The following PGPEP1L variants were observed in gnomAD, a reference collection of about 807,000 sequenced individuals.
PGPEP1L encodes the protein pyroglutamyl-peptidase I like, also known as pyroglutamyl-peptidase 1-like protein.
A neutral mutation model predicts 6.0 loss-of-function variants in PGPEP1L; 7 were observed. The ratio of observed to expected loss-of-function variants is 1.17; its 90% CI spans 0.66 to 2.19. PGPEP1L has a LOEUF of 2.19. Ranked by LOEUF, PGPEP1L falls within the 30% of genes most tolerant of loss-of-function variation. The probability of loss-of-function intolerance (pLI) is 0.00; values close to 1 mark genes in which losing one functional copy is unlikely to be tolerated. For missense variants in PGPEP1L, 209 were observed against 192.5 expected, an observed-to-expected ratio of 1.09 and a Z score of -0.51; for synonymous variants, 103 against 83.9, an observed-to-expected ratio of 1.23 and a Z score of -1.24.
At chr15:98,983,191 TTTTC>T in intron 2 of PGPEP1L, among the ~76,000 whole-genome samples, 1 of 151,422 alleles carries the variant, frequency 6.6e-6, no homozygotes, top group Admixed American at 6.6e-5. Context: ...AGAGAAACAA[TTTTC>T]TTTCACTTGG....
chr15:99,007,011 C>A (rs1555473751), intron 1 of PGPEP1L, among the ~76,000 whole-genome samples: 4 of 152,114 alleles, frequency 2.6e-5, no homozygotes, highest in East Asian at 1.9e-4. Context: ...CTGAATTGTC[C>A]TCCTGATATA....
intron 2 of PGPEP1L, among the ~76,000 whole-genome samples, chr15:98,978,726 A>ATATATTTT (rs1446348988): frequency 7.0e-5 from 6 of 85,232 alleles, no homozygotes; most frequent in African/African-American, 3.1e-4. Context: ...ATATATATAT[A>ATATATTTT]TTTTTTTTTT....
chr15:99,000,313 G>C (rs1025410228), intron 2 of PGPEP1L, among the ~76,000 whole-genome samples: 3 of 152,180 alleles, frequency 2.0e-5, no homozygotes, highest in Middle Eastern at 6.3e-3. Flanking sequence ...CTGTGCCAAC[G>C]AGCCTCCCAG....
chr15:99,001,087 A>C, intron 2 of PGPEP1L: 1 of 395,404 alleles, frequency 2.5e-6, no homozygotes, highest in Non-Finnish European at 5.0e-6. Flanking sequence ...TGAGCCAGCA[A>C]GACCATGAAC....
chr15:98,984,644 G>T (rs1429438400), intron 2 of PGPEP1L, among the ~76,000 whole-genome samples: 6 of 152,012 alleles, frequency 3.9e-5, no homozygotes, highest in East Asian at 3.9e-4. Flanking sequence ...GACACTTTTG[G>T]CTGTATACTG....
At chr15:98,989,531 A>T (rs1361696662) in intron 2 of PGPEP1L, among the ~76,000 whole-genome samples, 1 of 152,208 alleles carries the variant, frequency 6.6e-6, no homozygotes, top group Non-Finnish European at 1.5e-5. Context: ...TGACAGGGAG[A>T]ATGGAACCAA....
intron 2 of PGPEP1L, among the ~76,000 whole-genome samples, chr15:98,993,043 T>A: frequency 6.6e-6 from 1 of 152,182 alleles, no homozygotes; most frequent in East Asian, 1.9e-4. Flanking sequence ...GACATAGGCA[T>A]GAGCAAAGAC....
intron 2 of PGPEP1L, among the ~76,000 whole-genome samples, chr15:98,993,036 A>C (rs543896117): frequency 4.3e-4 from 65 of 152,384 alleles, no homozygotes; most frequent in Admixed American, 1.3e-3. Flanking sequence ...CATTCAGGAC[A>C]TAGGCATGAG....
At chr15:98,994,870 T>C (rs2017866462) in intron 2 of PGPEP1L, among the ~76,000 whole-genome samples, 1 of 152,258 alleles carries the variant, frequency 6.6e-6, no homozygotes, top group Admixed American at 6.5e-5. Context: ...TTTGGCACTT[T>C]GAATATATTA....
chr15:98,984,217 A>T (rs961216197), intron 2 of PGPEP1L, among the ~76,000 whole-genome samples: 2 of 151,978 alleles, frequency 1.3e-5, no homozygotes, highest in African/African-American at 4.8e-5. Flanking sequence ...TCACCATGTT[A>T]GCCAAGATGG....
intron 2 of PGPEP1L, among the ~76,000 whole-genome samples, chr15:98,971,523 A>G (rs1456129611): frequency 6.6e-6 from 1 of 152,142 alleles, no homozygotes; most frequent in Admixed American, 6.6e-5. Flanking sequence ...AAAAATCCAA[A>G]GTGTGAAGGA....
intron 3 of PGPEP1L, among the ~76,000 whole-genome samples, chr15:98,970,564 G>T: frequency 6.6e-6 from 1 of 151,810 alleles, no homozygotes; most frequent in Non-Finnish European, 1.5e-5. Flanking sequence ...TGGGGGGGTG[G>T]GGTTGTATCT....
intron 2 of PGPEP1L, among the ~76,000 whole-genome samples, chr15:98,973,101 A>G (rs1444151825): frequency 6.6e-6 from 1 of 152,138 alleles, no homozygotes. Context: ...AAGAATGGTG[A>G]AAAAAAGGAC....
intron 1 of PGPEP1L, among the ~76,000 whole-genome samples, chr15:99,006,869 G>C (rs569089816): frequency 1.3e-5 from 2 of 152,218 alleles, no homozygotes; most frequent in African/African-American, 4.8e-5. Context: ...AGAGGAAGAA[G>C]ACCCATGATT....
chr15:98,997,388 A>C (rs1253699450), intron 2 of PGPEP1L, among the ~76,000 whole-genome samples: 1 of 152,190 alleles, frequency 6.6e-6, no homozygotes, highest in Non-Finnish European at 1.5e-5. Context: ...CAGCTTGACC[A>C]AAAAACTCAG....
In PGPEP1L at chr15:98,968,627, G is replaced by A; in HGVS notation, c.280C>T (p.Pro94Ser). The change falls in exon 5 of 5, where the codon CCT (proline) becomes TCT (serine). Residue 94 changes from proline (P) to serine (S), a missense_variant. Physicochemically the swap from Pro to Ser is moderately conservative, Grantham distance 74. Coordinates refer to ENST00000535714, the MANE Select transcript of PGPEP1L (RefSeq NM_001167902.2). The stretch of plus-strand genomic sequence containing the variant: ...GCCGGGAGCCCGCGCGATAGTGGAG[G>A]GACATGGATGAGTGCCGCGCAGCCC... Reference protein sequence around the residue: ...GKGCAALIHVPPLSRGLPASL... With the variant: ...GKGCAALIHVSPLSRGLPASL... The A allele has an allele frequency of 1.2e-6, 2 of 1,603,298 alleles. No homozygotes were observed. The highest frequency in any genetic ancestry group is 1.7e-6 in the Non-Finnish European group (2 of 1,174,692).
chr15:98,982,501 A>AAAAAGGAG (rs2151759244), intron 2 of PGPEP1L, among the ~76,000 whole-genome samples: 1 of 152,266 alleles, frequency 6.6e-6, no homozygotes, highest in East Asian at 1.9e-4. Context: ...ACCAGACTGA[A>AAAAAGGAG]AAAAGGAGGT....
chr15:99,006,700 G>A (rs1207832268), intron 1 of PGPEP1L, among the ~76,000 whole-genome samples: 1 of 152,166 alleles, frequency 6.6e-6, no homozygotes, highest in Non-Finnish European at 1.5e-5. Flanking sequence ...CCATAGTCCT[G>A]GCTTCTCAGG....
At chr15:99,001,100 A>AC (rs1167379774) in intron 2 of PGPEP1L, 4 of 426,558 alleles carry the variant, frequency 9.4e-6, no homozygotes, top group South Asian at 1.6e-5. Flanking sequence ...CCATGAACCC[A>AC]CCAGAAGGAA....
Sources: gnomAD v4.1 joint callset for allele counts (sites outside exome capture counted in the v4.1 genomes callset) on GRCh38, gnomAD v4.1.1 for gene constraint, MANE v1.5 for transcripts, NCBI Gene and HGNC (gene_info 2026-07-23, HGNC 2026-07-21) for gene names.